The following CEP41 variants were observed in gnomAD, a reference collection of about 807,000 sequenced individuals.
CEP41 encodes the protein centrosomal protein of 41 kDa.
CEP41 carries 32 observed loss-of-function variants against 44.3 expected under a neutral mutation model. That is an observed-to-expected ratio of 0.72 (90% CI 0.54 to 0.97). The LOEUF is 0.97. Among genes scored for constraint, CEP41 ranks in the 50% least tolerant of loss-of-function variants. CEP41 has a pLI of 0.00. For synonymous variants in CEP41, 151 were observed against 168.5 expected (o/e 0.90, Z 0.80); for missense variants, 432 against 455.2 (o/e 0.95, Z 0.46).
chr7:130,395,182 A>G lies in CEP41; in HGVS notation c.*3709T>C, dbSNP rs1320100784. Reference sequence around the variant, plus strand: ...ATAATAATTTCAATAATTATTGTAAATCTAGGAAAGTATTACTACCCAAAT... The same window carrying G: ...ATAATAATTTCAATAATTATTGTAAGTCTAGGAAAGTATTACTACCCAAAT... On this transcript the variant is annotated 3_prime_UTR_variant, in exon 11 of 11. Coordinates refer to ENST00000223208, the MANE Select transcript of CEP41 (RefSeq NM_018718.3). The G allele has an allele frequency of 6.6e-6, 3 of 452,932 alleles. No homozygotes were observed. Among genetic ancestry groups the G allele is most frequent in the African/African-American group, 4.0e-5 (2 of 49,982 alleles). 28.1% of individuals were successfully genotyped at this position (452,932 alleles called of 1,614,324 possible).
At chr7:130,417,039 G>T in intron 2 of CEP41, 73 bp from the exon 3 acceptor site, 1 of 1,371,930 alleles carries the variant, frequency 7.3e-7, no homozygotes. Flanking sequence ...AAACAGAATG[G>T]AGGAAAAGTA....
At chr7:130,428,919 AAAT>A (rs1797745841) in intron 1 of CEP41, among the ~76,000 whole-genome samples, 1 of 141,442 alleles carries the variant, frequency 7.1e-6, no homozygotes, top group East Asian at 2.0e-4. Context: ...TCAAAAAAAT[AAAT>A]AAATAAATAA....
chr7:130,399,744 G>A (rs572194914), intron 10 of CEP41: 145 of 332,814 alleles, frequency 4.4e-4, no homozygotes, highest in African/African-American at 2.8e-3. Flanking sequence ...CGCTTGAACC[G>A]GGGAGACGGA....
At chr7:130,441,290 C>T (rs1298789787), upstream of CEP41, 17 of 101,480 alleles carry the variant, frequency 1.7e-4, no homozygotes, top group East Asian at 6.5e-4. Context: ...TGCGCAAAGC[C>T]GGGGGCGGGG....
In CEP41 at chr7:130,398,678, C is replaced by T. The variant is rs1796746841; in HGVS notation, c.*213G>A. The T allele has an allele frequency of 2.7e-6, 2 of 740,222 alleles. No individual in the cohort carries two copies. Among genetic ancestry groups the T allele is most frequent in the Non-Finnish European group, 4.9e-6 (2 of 406,614 alleles). 45.9% of individuals were successfully genotyped at this position (740,222 alleles called of 1,614,324 possible). Reference sequence around the variant, plus strand: ...ACAGGGAGGAGACTAGAGCCTGTCACACCTCTGGTTTTTATGGTCACCTGT... The same window carrying T: ...ACAGGGAGGAGACTAGAGCCTGTCATACCTCTGGTTTTTATGGTCACCTGT... On this transcript the variant is annotated 3_prime_UTR_variant, in exon 11 of 11. Coordinates refer to ENST00000223208, the MANE Select transcript of CEP41 (RefSeq NM_018718.3).
chr7:130,430,994 C>T (rs1482609248), intron 1 of CEP41, among the ~76,000 whole-genome samples: 1 of 152,084 alleles, frequency 6.6e-6, no homozygotes, highest in Non-Finnish European at 1.5e-5. Context: ...GAGCCCTTCC[C>T]GCCCCCGGTT....
At position 130,402,418 on chromosome 7, in the gene CEP41, G is replaced by A. The variant is rs191384805; in HGVS notation, c.574+230C>T. Among the ~76,000 whole-genome samples, 250 of 151,276 alleles carry A rather than the reference G, an allele frequency of 1.7e-3. 2 individuals are homozygous for A. The highest frequency in any genetic ancestry group is 5.6e-3 in the African/African-American group (230 of 41,160). On this transcript the variant is annotated intron_variant, in intron 7 of 10. Coordinates refer to ENST00000223208, the MANE Select transcript of CEP41 (RefSeq NM_018718.3). The stretch of plus-strand genomic sequence containing the variant: ...TGTGAAAGAAAAGAAAGAGCACTAT[G>A]AACAAAGCATGAAGCTTCACTTCCC...
rs908549603 is a variant in CEP41, at chr7:130,411,919, C to A, written c.207+260G>T. The A allele has an allele frequency of 7.9e-5, 29 of 367,850 alleles. No individual in the cohort carries two copies. In the East Asian group the frequency reaches 1.1e-3, roughly 14 times the overall value. The allele number at this position is 367,850 out of a possible 1,614,324, so 22.8% of individuals were successfully genotyped here. ...TAAGTTAAATGTATAAGGAAAAAAA[C>A]CCCTAACCACAAGTTTAATGAATTA... On this transcript the variant is annotated intron_variant, in intron 4 of 10. Coordinates refer to ENST00000223208, the MANE Select transcript of CEP41 (RefSeq NM_018718.3).
In CEP41 at chr7:130,414,611, T is replaced by C. The variant is rs79623649; in HGVS notation, c.145+2308A>G. 9.1e-3 allele frequency among the ~76,000 whole-genome samples: 1,380 copies of C among 152,348 alleles called. 22 individuals are homozygous for C. The highest frequency in any genetic ancestry group is 0.031 in the African/African-American group (1,294 of 41,584). On this transcript the variant is annotated intron_variant, in intron 3 of 10. Transcript: ENST00000223208. ...AAAAAAGACTGCTTTATTCTAAAGATTGGGATTTCTACTGTCTTCTGCACA... is the reference window on the plus strand; with the variant it reads ...AAAAAAGACTGCTTTATTCTAAAGACTGGGATTTCTACTGTCTTCTGCACA...
Position 130,404,665 on chromosome 7 carries a change from G to A in CEP41, c.321C>T (p.Ala107=), listed in dbSNP as rs782112677. 3.1e-6 allele frequency: 5 copies of A among 1,612,312 alleles called. No homozygotes were observed. The East Asian group carries it at 8.9e-5, about 29-fold the overall frequency. ...AASDPDAETT[A]RTNGKGNPGE... is the part of the protein sequence containing the mutation. ...CTGGATTTCCTTTCCCATTGGTCCTGGCAGTGGTTTCAGCATCAGGGTCTG... is the reference window on the plus strand; with the variant it reads ...CTGGATTTCCTTTCCCATTGGTCCTAGCAGTGGTTTCAGCATCAGGGTCTG... The change falls in exon 6 of 11, where the codon GCC becomes GCT. Residue 107 remains alanine (A), a synonymous_variant. Coordinates refer to ENST00000223208, the MANE Select transcript of CEP41 (RefSeq NM_018718.3).
upstream of CEP41, among the ~76,000 whole-genome samples, chr7:130,441,603 A>G (rs1798173153): frequency 6.6e-6 from 1 of 152,242 alleles, no homozygotes; most frequent in African/African-American, 2.4e-5. Flanking sequence ...TTAATTGCAA[A>G]GCACACGCGC....
chr7:130,401,369 A>G (rs1349803591), intron 8 of CEP41, among the ~76,000 whole-genome samples: 2 of 152,226 alleles, frequency 1.3e-5, no homozygotes, highest in African/African-American at 4.8e-5. Context: ...CATATATAGT[A>G]AGGTTTCAAC....
At chr7:130,430,431 G>A (rs1797790776) in intron 1 of CEP41, among the ~76,000 whole-genome samples, 1 of 152,104 alleles carries the variant, frequency 6.6e-6, no homozygotes, top group Non-Finnish European at 1.5e-5. Flanking sequence ...GAACCACTGA[G>A]CTATTTTATC....
At chr7:130,426,281 A>G (rs1246416380) in intron 2 of CEP41, among the ~76,000 whole-genome samples, 1 of 152,234 alleles carries the variant, frequency 6.6e-6, no homozygotes, top group African/African-American at 2.4e-5. Context: ...TATGTATTTA[A>G]TATGTATTGT....
In CEP41 at chr7:130,402,724, T is replaced by C; in HGVS notation, c.498A>G (p.Lys166=). The C allele has an allele frequency of 6.2e-7, 1 of 1,613,966 alleles. No homozygotes were observed. The highest frequency in any genetic ancestry group is 8.5e-7 in the Non-Finnish European group (1 of 1,179,990). Residue 166 remains lysine, a synonymous_variant, in exon 7 of 11, where the codon AAA becomes AAG. Transcript: ENST00000223208. Reference sequence around the variant, plus strand: ...GCAGGAAGGGGCAGTCAGGATAAGGTTTGTCTTTGGTATGGGGCTCTGCTT... The same window carrying C: ...GCAGGAAGGGGCAGTCAGGATAAGGCTTGTCTTTGGTATGGGGCTCTGCTT... ...VKKAEPHTKD[K]PYPDCPFLLL...
In CEP41 at chr7:130,394,932, G is replaced by A. The variant is rs1554413886; in HGVS notation, c.*3959C>T. 2.2e-6 allele frequency: 1 copy of A among 454,060 alleles called. No homozygotes were observed. Among genetic ancestry groups the A allele is most frequent in the Non-Finnish European group, 4.4e-6 (1 of 226,788 alleles). The allele number at this position is 454,060 out of a possible 1,614,324, so 28.1% of individuals were successfully genotyped here. On this transcript the variant is annotated 3_prime_UTR_variant, in exon 11 of 11. Coordinates refer to ENST00000223208, the MANE Select transcript of CEP41 (RefSeq NM_018718.3). Reference sequence around the variant, plus strand: ...CTCTCTTTGCCTCACATTTTACCAGGTGCTTCAGGATGTTACACAGGTGAG... The same window carrying A: ...CTCTCTTTGCCTCACATTTTACCAGATGCTTCAGGATGTTACACAGGTGAG...
Position 130,396,799 on chromosome 7 carries a change from C to T in CEP41, c.*2092G>A, listed in dbSNP as rs1477602850. The T allele has an allele frequency of 2.2e-6, 1 of 453,998 alleles. No homozygotes were observed. Among genetic ancestry groups the T allele is most frequent in the Non-Finnish European group, 4.4e-6 (1 of 226,678 alleles). 28.1% of individuals were successfully genotyped at this position (453,998 alleles called of 1,614,324 possible). A position where few individuals can be genotyped will look rare whatever the true frequency, so the allele number is the denominator to read the frequency against. Reference sequence around the variant, plus strand: ...GAGAAATACACATAAATATATCCAACCTGCCAGATCTCTCAGGTGAGTGCA... The same window carrying T: ...GAGAAATACACATAAATATATCCAATCTGCCAGATCTCTCAGGTGAGTGCA... On this transcript the variant is annotated 3_prime_UTR_variant, in exon 11 of 11. Transcript: ENST00000223208.
At chr7:130,408,044 C>T (rs1797066652) in intron 5 of CEP41, among the ~76,000 whole-genome samples, 1 of 152,168 alleles carries the variant, frequency 6.6e-6, no homozygotes, top group Admixed American at 6.5e-5. Context: ...AAATCGTTAA[C>T]ATGGAAAGGA....
At chr7:130,433,262 G>T (rs534220821) in intron 1 of CEP41, among the ~76,000 whole-genome samples, 1 of 152,004 alleles carries the variant, frequency 6.6e-6, no homozygotes, top group Admixed American at 6.5e-5. Flanking sequence ...ACAGTAGCTG[G>T]ATGATCTTTT....
Sources: allele counts gnomAD v4.1 joint callset (sites outside exome capture counted in the v4.1 genomes callset), GRCh38; gene constraint gnomAD v4.1.1; transcripts MANE v1.5; gene names NCBI Gene and HGNC (gene_info 2026-07-23, HGNC 2026-07-21).